Variants in ARL15 observed in about 807,000 individuals in gnomAD.
ARL15 encodes ADP-ribosylation factor-like protein 15.
Under a neutral mutation model 25.2 loss-of-function variants are expected in ARL15, and 19 were observed. The ratio of observed to expected loss-of-function variants is 0.75; its 90% CI spans 0.53 to 1.10. ARL15 has a LOEUF of 1.10. ARL15 is among the 50% of genes least tolerant of loss of function. ARL15 has a pLI of 0.00. For synonymous variants in ARL15, 94 were observed against 86.8 expected, an observed-to-expected ratio of 1.08 and a Z score of -0.46; for missense variants, 220 against 246.0, an observed-to-expected ratio of 0.89 and a Z score of 0.71.
intron 4 of ARL15, among the ~76,000 whole-genome samples, chr5:53,920,595 C>T (rs543203659): frequency 6.6e-6 from 1 of 151,090 alleles, no homozygotes; most frequent in South Asian, 2.1e-4. Flanking sequence ...TCACTTGAGC[C>T]CAGGAGTTTG....
intron 4 of ARL15, among the ~76,000 whole-genome samples, chr5:53,910,871 A>G (rs556266131): frequency 4.0e-4 from 61 of 151,928 alleles, no homozygotes; most frequent in African/African-American, 1.3e-3. Flanking sequence ...AGGGTTGAGC[A>G]TTATTATAGT....
chr5:54,183,730 C>A (rs1755134921), intron 1 of ARL15, among the ~76,000 whole-genome samples: 3 of 149,956 alleles, frequency 2.0e-5, no homozygotes, highest in Non-Finnish European at 4.4e-5. Context: ...TACCATTTGA[C>A]CCAGCCATCC....
intron 4 of ARL15, among the ~76,000 whole-genome samples, chr5:54,069,986 A>T (rs1751369895): frequency 6.7e-6 from 1 of 148,592 alleles, no homozygotes; most frequent in African/African-American, 2.5e-5. Flanking sequence ...GAGGGCTTTT[A>T]AGAGGTGTTT....
intron 4 of ARL15, among the ~76,000 whole-genome samples, chr5:54,008,497 G>C (rs528163154): frequency 6.6e-6 from 1 of 152,244 alleles, no homozygotes; most frequent in South Asian, 2.1e-4. Flanking sequence ...CTCTCTTTCT[G>C]GCATTACACG....
At chr5:54,033,275 T>C (rs928796438) in intron 4 of ARL15, among the ~76,000 whole-genome samples, 1 of 151,778 alleles carries the variant, frequency 6.6e-6, no homozygotes, top group African/African-American at 2.4e-5. Flanking sequence ...ATCACACCAC[T>C]GCACTCCAGC....
At chr5:54,044,113 T>G (rs1020607502) in intron 4 of ARL15, among the ~76,000 whole-genome samples, 1 of 152,220 alleles carries the variant, frequency 6.6e-6, no homozygotes, top group African/African-American at 2.4e-5. Context: ...TTTATGAAAT[T>G]TATTAAGCAC....
Position 54,140,645 on chromosome 5 carries a change from C to T in ARL15, c.253+13935G>A, listed in dbSNP as rs536872540. On this transcript the variant is annotated intron_variant, in intron 3 of 4. Coordinates refer to ENST00000504924, the MANE Select transcript of ARL15 (RefSeq NM_019087.3). ...CATATTATAAATAGAACAATCTCAA[C>T]CAGGCATTTTGCCAAGATGTGGAAA... Among the ~76,000 whole-genome samples the T allele has an allele frequency of 2.0e-5, 3 of 152,210 alleles. No individual in the cohort carries two copies. In the South Asian group the frequency reaches 6.2e-4, roughly 32 times the overall value.
chr5:54,097,507 T>C (rs1486012220), intron 4 of ARL15, among the ~76,000 whole-genome samples: 2 of 152,316 alleles, frequency 1.3e-5, no homozygotes, highest in Non-Finnish European at 2.9e-5. Context: ...TTGGCTAGTC[T>C]TACAAAAATG....
At chr5:54,310,047 A>G (rs1322580085) in intron 1 of ARL15, among the ~76,000 whole-genome samples, 1 of 152,184 alleles carries the variant, frequency 6.6e-6, no homozygotes, top group Admixed American at 6.5e-5. Flanking sequence ...TAGCACCTGG[A>G]GTTCTGCTCC....
At chr5:54,008,213 G>A (rs1749110507) in intron 4 of ARL15, among the ~76,000 whole-genome samples, 1 of 152,156 alleles carries the variant, frequency 6.6e-6, no homozygotes, top group South Asian at 2.1e-4. Context: ...GAGGAGAGAT[G>A]AGTAACCACC....
At chr5:54,172,339 G>A (rs1159475567) in intron 1 of ARL15, among the ~76,000 whole-genome samples, 2 of 151,664 alleles carry the variant, frequency 1.3e-5, no homozygotes, top group African/African-American at 4.9e-5. Flanking sequence ...AAAGACTGAG[G>A]AACTGTTCCA....
At chr5:54,294,482 G>A (rs1758417108) in intron 1 of ARL15, among the ~76,000 whole-genome samples, 1 of 152,160 alleles carries the variant, frequency 6.6e-6, no homozygotes, top group Non-Finnish European at 1.5e-5. Context: ...TGCTGAGTAA[G>A]GAAGGTCAGA....
chr5:54,079,284 G>A (rs189430126), intron 4 of ARL15, among the ~76,000 whole-genome samples: 1 of 152,238 alleles, frequency 6.6e-6, no homozygotes, highest in Admixed American at 6.5e-5. Flanking sequence ...GCATCCAGTT[G>A]TTGAACAGAA....
At chr5:54,194,428 A>G (rs779496781) in intron 1 of ARL15, among the ~76,000 whole-genome samples, 3 of 152,126 alleles carry the variant, frequency 2.0e-5, no homozygotes, top group Non-Finnish European at 4.4e-5. Flanking sequence ...CCTCACCAAG[A>G]AAGGATAGAA....
chr5:54,211,465 C>T (rs1268692513), intron 1 of ARL15, among the ~76,000 whole-genome samples: 4 of 109,404 alleles, frequency 3.7e-5, no homozygotes, highest in African/African-American at 1.4e-4. Flanking sequence ...TTAAATGAAA[C>T]ACTTTTTTTT....
At chr5:54,010,734 G>A (rs1484674714) in intron 4 of ARL15, among the ~76,000 whole-genome samples, 4 of 152,104 alleles carry the variant, frequency 2.6e-5, no homozygotes, top group Admixed American at 2.6e-4. Context: ...AAATCAGGCC[G>A]GGGGCGGTGG....
At chr5:54,279,302 T>C (rs1757997081) in intron 1 of ARL15, among the ~76,000 whole-genome samples, 1 of 152,126 alleles carries the variant, frequency 6.6e-6, no homozygotes, top group Non-Finnish European at 1.5e-5. Context: ...CAAAATACCT[T>C]AGACTGGGTG....
intron 1 of ARL15, among the ~76,000 whole-genome samples, chr5:54,188,075 G>A (rs1484104782): frequency 6.6e-6 from 1 of 151,978 alleles, no homozygotes; most frequent in Non-Finnish European, 1.5e-5. Flanking sequence ...TTTCCAATTT[G>A]CATATCACAC....
intron 4 of ARL15, among the ~76,000 whole-genome samples, chr5:54,088,989 C>T (rs944053661): frequency 2.6e-5 from 4 of 152,156 alleles, no homozygotes; most frequent in African/African-American, 9.7e-5. Flanking sequence ...TGAAGAACAA[C>T]AGTCATATGG....
Sources: allele counts gnomAD v4.1 joint callset (sites outside exome capture counted in the v4.1 genomes callset), GRCh38; gene constraint gnomAD v4.1.1; transcripts MANE v1.5; gene names NCBI Gene and HGNC (gene_info 2026-07-23, HGNC 2026-07-21).